The following PCDHGA3 variants were observed in gnomAD, a reference collection of about 807,000 sequenced individuals.
PCDHGA3 encodes the protein protocadherin gamma-A3.
A neutral mutation model predicts 58.5 loss-of-function variants in PCDHGA3; 40 were observed. The ratio of observed to expected loss-of-function variants is 0.68; its 90% confidence interval spans 0.53 to 0.89. The LOEUF is 0.89. PCDHGA3 is among the 40% of genes least tolerant of loss of function. PCDHGA3 has a pLI of 0.00. For synonymous variants in PCDHGA3, 530 were observed against 525.7 expected, an observed-to-expected ratio of 1.01 and a Z score of -0.11; for missense variants, 1,223 against 1,195.9, an observed-to-expected ratio of 1.02 and a Z score of -0.33.
chr5:141,510,834 G>T, intron 3 of PCDHGA3, 113 bp from the exon 4 acceptor site: 1 of 1,581,880 alleles, frequency 6.3e-7, no homozygotes. Flanking sequence ...AGTGCTCAGC[G>T]TGGTCAAGGC....
Position 141,421,230 on chromosome 5 carries a change from G to A in PCDHGA3, c.2425-73577G>A, listed in dbSNP as rs530853994. 1.9e-6 allele frequency: 3 copies of A among 1,590,132 alleles called. No individual in the cohort carries two copies. The East Asian group carries it at 6.7e-5, about 36-fold the overall frequency. The stretch of plus-strand genomic sequence containing the variant: ...GGAATATCGGCTTAGAGCCTGCCAT[G>A]GCGAATCGGCTACAGCGCGGGGACC... On this transcript the variant is annotated intron_variant, in intron 1 of 3. Coordinates refer to ENST00000253812, the MANE Select transcript of PCDHGA3 (RefSeq NM_018916.4).
Position 141,477,673 on chromosome 5 carries a change from G to A in PCDHGA3, c.2425-17134G>A. The A allele has an allele frequency of 1.2e-6, 2 of 1,614,168 alleles. No individual in the cohort carries two copies. The highest frequency in any genetic ancestry group is 8.5e-7 in the Non-Finnish European group (1 of 1,180,050). ...CAATAAATCGTGACAATGGCATAGT[G>A]TCATCCTTAGTGCCCCTAGACTATG... On this transcript the variant is annotated intron_variant, in intron 1 of 3. Coordinates refer to ENST00000253812, the MANE Select transcript of PCDHGA3 (RefSeq NM_018916.4). This position sits in a 1 kb window ranked among gnomAD's most constrained non-coding sequence, Gnocchi z 4.9.
intron 2 of PCDHGA3, among the ~76,000 whole-genome samples, chr5:141,502,866 C>CTCTTTTTTT (rs1554188502): frequency 7.8e-6 from 1 of 128,046 alleles, no homozygotes; most frequent in African/African-American, 3.1e-5. Context: ...GACTCTCTGT[C>CTCTTTTTTT]TTTTTTTTTT....
chr5:141,494,546 G>A (rs984336435), intron 1 of PCDHGA3, among the ~76,000 whole-genome samples: 7 of 152,152 alleles, frequency 4.6e-5, no homozygotes, highest in African/African-American at 1.2e-4. Context: ...GGAGGAAGGG[G>A]CCATTTCTTT....
Position 141,485,666 on chromosome 5 carries a change from A to C in PCDHGA3, c.2425-9141A>C. 1.2e-6 allele frequency: 2 copies of C among 1,612,786 alleles called. No homozygotes were observed. Among genetic ancestry groups the C allele is most frequent in the Non-Finnish European group, 1.7e-6 (2 of 1,178,960 alleles). ...GGCTCAGGATGCAGATGTGGGGAGCAATTCGATTAGCAGCTATAGGCTGAG... is the reference window on the plus strand; with the variant it reads ...GGCTCAGGATGCAGATGTGGGGAGCCATTCGATTAGCAGCTATAGGCTGAG... On this transcript the variant is annotated intron_variant, in intron 1 of 3. Transcript: ENST00000253812. This position sits in a 1 kb window ranked among gnomAD's most constrained non-coding sequence, Gnocchi z 5.7.
In PCDHGA3 at chr5:141,422,632, G is replaced by T. The variant is rs199543811; in HGVS notation, c.2425-72175G>T. ...CTACATTCCCGAAAACAACCCCAGGGGTGCCTCCATCTTCTCAGTGACCGC... is the reference window on the plus strand; with the variant it reads ...CTACATTCCCGAAAACAACCCCAGGTGTGCCTCCATCTTCTCAGTGACCGC... On this transcript the variant is annotated intron_variant, in intron 1 of 3. Coordinates refer to ENST00000253812, the MANE Select transcript of PCDHGA3 (RefSeq NM_018916.4). 4,245 of 1,613,132 alleles carry T rather than the reference G, an allele frequency of 2.6e-3. 5 individuals carry two copies. The highest frequency in any genetic ancestry group is 3.2e-3 in the Admixed American group (193 of 59,948).
intron 1 of PCDHGA3, chr5:141,400,720 T>G (rs2150871186): frequency 1.5e-6 from 1 of 669,356 alleles, no homozygotes; most frequent in Non-Finnish European, 2.5e-6. Context: ...CCTTATAGAT[T>G]TACAAAGTAG....
Position 141,346,375 on chromosome 5 carries a change from G to A in PCDHGA3, c.2342G>A (p.Ser781Asn), listed in dbSNP as rs1245459936. Residue 781 changes from serine (S) to asparagine (N), a missense_variant, in exon 1 of 4, where the codon AGC becomes AAC. Transcript: ENST00000253812. Reference protein sequence around the residue: ...PQPNYADTLISQESCEKSEPL... With the variant: ...PQPNYADTLINQESCEKSEPL... The stretch of plus-strand genomic sequence containing the variant: ...CCCAACTATGCGGACACGCTCATCA[G>A]CCAGGAGAGCTGTGAGAAAAGCGAG... 1 of 1,614,250 alleles carries A rather than the reference G, an allele frequency of 6.2e-7. No individual in the cohort carries two copies. The highest frequency in any genetic ancestry group is 2.2e-5 in the East Asian group (1 of 44,884).
At chr5:141,406,957 G>A (rs184355186) in intron 1 of PCDHGA3, among the ~76,000 whole-genome samples, 69 of 152,242 alleles carry the variant, frequency 4.5e-4, no homozygotes, top group African/African-American at 1.6e-3. Context: ...ACATAGTGTT[G>A]TTTCAAATAG....
chr5:141,409,171 C>G, intron 1 of PCDHGA3: 1 of 1,613,962 alleles, frequency 6.2e-7, no homozygotes, highest in South Asian at 1.1e-5. Flanking sequence ...AAGCGAAGGA[C>G]GGAGGTGGTC....
At chr5:141,360,697 G>T in intron 1 of PCDHGA3, 5 of 1,613,976 alleles carry the variant, frequency 3.1e-6, no homozygotes, top group Non-Finnish European at 4.2e-6. Context: ...GACTCCAGAT[G>T]GTCGTAAATA....
At chr5:141,360,818 T>C (rs375213182) in intron 1 of PCDHGA3, 1 of 1,613,810 alleles carries the variant, frequency 6.2e-7, no homozygotes, top group African/African-American at 1.3e-5. Flanking sequence ...ACGACCCAAA[T>C]CCGAATCAAA....
intron 1 of PCDHGA3, among the ~76,000 whole-genome samples, chr5:141,481,836 G>A (rs1435746995): frequency 2.7e-5 from 4 of 150,638 alleles, no homozygotes; most frequent in Non-Finnish European, 5.9e-5. Context: ...CAGGAGAATC[G>A]CTTGATGGTG....
chr5:141,416,990 A>C (rs912916110), intron 1 of PCDHGA3: 20 of 151,946 alleles, frequency 1.3e-4, no homozygotes, highest in African/African-American at 4.1e-4. Flanking sequence ...ATTATTGTGC[A>C]TTCATCTCAA....
intron 1 of PCDHGA3, chr5:141,423,517 T>G (rs750915364): frequency 1.9e-6 from 3 of 1,613,716 alleles, no homozygotes; most frequent in Non-Finnish European, 2.5e-6. Flanking sequence ...CATTGCGGAC[T>G]CGCAGAAGAG....
At chr5:141,383,983 C>G (rs769557615) in intron 1 of PCDHGA3, 1 of 1,613,794 alleles carries the variant, frequency 6.2e-7, no homozygotes, top group Non-Finnish European at 8.5e-7. Flanking sequence ...AGACACACCT[C>G]TTGGGACAGT....
At chr5:141,350,814 G>C (rs1758567733) in intron 1 of PCDHGA3, 3 of 1,613,904 alleles carry the variant, frequency 1.9e-6, no homozygotes, top group Non-Finnish European at 2.5e-6. Flanking sequence ...AGTCCTGATG[G>C]AAGTAAATAT....
At chr5:141,510,447 C>T (rs1270073364) in intron 3 of PCDHGA3, among the ~76,000 whole-genome samples, 1 of 152,026 alleles carries the variant, frequency 6.6e-6, no homozygotes, top group Non-Finnish European at 1.5e-5. Flanking sequence ...CTCCAGGAGC[C>T]CATGGTCTAG....
At position 141,404,170 on chromosome 5, in the gene PCDHGA3, G is replaced by A. The variant is rs73279089; in HGVS notation, c.2424+57713G>A. 22 of 1,612,630 alleles carry A rather than the reference G, an allele frequency of 1.4e-5. No individual in the cohort carries two copies. In the East Asian group the frequency reaches 1.8e-4, roughly 13 times the overall value. On this transcript the variant is annotated intron_variant, in intron 1 of 3. Coordinates refer to ENST00000253812, the MANE Select transcript of PCDHGA3 (RefSeq NM_018916.4). ...AAGAAGATTATTACAGATTGTTGACGGCCCAAATTCTTGACCGAGAAAAAG... is the reference window on the plus strand; with the variant it reads ...AAGAAGATTATTACAGATTGTTGACAGCCCAAATTCTTGACCGAGAAAAAG...
Sources: allele counts gnomAD v4.1 joint callset (sites outside exome capture counted in the v4.1 genomes callset), GRCh38; gene constraint gnomAD v4.1.1; non-coding constraint Gnocchi (gnomAD v3.1); transcripts MANE v1.5; gene names NCBI Gene and HGNC (gene_info 2026-07-23, HGNC 2026-07-21).